Variants in USH2A observed in about 807,000 individuals in gnomAD.
The protein encoded by USH2A is Usher syndrome 2A (autosomal recessive, mild).
A neutral mutation model predicts 538.9 loss-of-function variants in USH2A; 443 were observed. The observed-to-expected ratio is 0.82, with a 90% CI of 0.76 to 0.89. The LOEUF is 0.89. USH2A is among the 40% of genes least tolerant of loss of function. The pLI is 0.00. For missense variants in USH2A, 6,633 were observed against 6,324.8 expected, an observed-to-expected ratio of 1.05 and a Z score of -1.65; for synonymous variants, 2,413 against 2,273.5, an observed-to-expected ratio of 1.06 and a Z score of -1.75.
At chr1:216,171,982 GC>G (rs1218351247) in intron 21 of USH2A, among the ~76,000 whole-genome samples, 1 of 151,952 alleles carries the variant, frequency 6.6e-6, no homozygotes, top group African/African-American at 2.4e-5. Flanking sequence ...AGAAAAGGAA[GC>G]AAAAATAGGT....
At chr1:215,978,363 TTA>T (rs1667671509) in intron 35 of USH2A, among the ~76,000 whole-genome samples, 1 of 152,144 alleles carries the variant, frequency 6.6e-6, no homozygotes, top group African/African-American at 2.4e-5. Flanking sequence ...ACTACTCTTG[TTA>T]TATGTTTCTG....
intron 3 of USH2A, among the ~76,000 whole-genome samples, chr1:216,418,129 G>A (rs946638390): frequency 6.6e-6 from 1 of 152,066 alleles, no homozygotes; most frequent in African/African-American, 2.4e-5. Context: ...AAAGACAGAT[G>A]TAAAAATCAA....
intron 4 of USH2A, among the ~76,000 whole-genome samples, chr1:216,339,753 TA>T (rs1558044933): frequency 6.6e-6 from 1 of 150,882 alleles, no homozygotes; most frequent in Non-Finnish European, 1.5e-5. Flanking sequence ...ATAATGAAAT[TA>T]AAGCAGACAT....
At chr1:216,214,855 C>T (rs529730627) in intron 15 of USH2A, among the ~76,000 whole-genome samples, 127 of 151,612 alleles carry the variant, frequency 8.4e-4, no homozygotes, top group African/African-American at 2.8e-3. Context: ...TAATTGTATA[C>T]GTGTGTGTGT....
chr1:215,820,584 T>A (rs1662985097), intron 47 of USH2A, among the ~76,000 whole-genome samples: 1 of 151,834 alleles, frequency 6.6e-6, no homozygotes, highest in African/African-American at 2.4e-5. Flanking sequence ...TTCTTTATGC[T>A]AACAACATTT....
At chr1:215,629,150 G>T in intron 70 of USH2A, 115 bp from the exon 71 acceptor site, 1 of 1,094,382 alleles carries the variant, frequency 9.1e-7, no homozygotes, top group Non-Finnish European at 1.4e-6. Flanking sequence ...CCTGACAATT[G>T]TCACATTGTC....
At chr1:216,128,430 T>A (rs2033301969) in intron 21 of USH2A, among the ~76,000 whole-genome samples, 1 of 152,098 alleles carries the variant, frequency 6.6e-6, no homozygotes, top group Admixed American at 6.6e-5. Flanking sequence ...AAAAAAGTAC[T>A]ATTTTGAGAT....
intron 32 of USH2A, 22 bp from the exon 33 acceptor site, chr1:216,000,584 G>T (rs1240881020): frequency 1.9e-6 from 3 of 1,612,700 alleles, no homozygotes; most frequent in Non-Finnish European, 2.5e-6. Context: ...GGAGAAACAA[G>T]AATTTACTCA....
chr1:216,309,253 A>G (rs2037376956), intron 9 of USH2A, among the ~76,000 whole-genome samples: 1 of 152,214 alleles, frequency 6.6e-6, no homozygotes, highest in South Asian at 2.1e-4. Flanking sequence ...TTTGATTTTT[A>G]ATTATACATT....
chr1:215,745,538 C>T (rs1049071842), intron 58 of USH2A, among the ~76,000 whole-genome samples: 9 of 152,118 alleles, frequency 5.9e-5, no homozygotes, highest in African/African-American at 2.2e-4. Flanking sequence ...GGTTCCACTG[C>T]CTAGACTTTA....
chr1:216,068,944 A>G (rs2031470312), intron 30 of USH2A, among the ~76,000 whole-genome samples: 1 of 152,164 alleles, frequency 6.6e-6, no homozygotes, highest in East Asian at 1.9e-4. Flanking sequence ...TGTCTAATAT[A>G]ATCTAAAATA....
chr1:215,681,577 C>T (rs1177174121), intron 61 of USH2A, among the ~76,000 whole-genome samples: 1 of 152,106 alleles, frequency 6.6e-6, no homozygotes, highest in African/African-American at 2.4e-5. Flanking sequence ...CACCCAAGAA[C>T]ATCAGAAAAA....
At position 215,813,908 on chromosome 1, in the gene USH2A, A is replaced by T; in HGVS notation, c.9571-4T>A. 1 of 1,613,454 alleles carries T rather than the reference A, an allele frequency of 6.2e-7. No homozygotes were observed. Among genetic ancestry groups the T allele is most frequent in the East Asian group, 2.2e-5 (1 of 44,840 alleles). On this transcript the variant is annotated splice_region_variant and splice_polypyrimidine_tract_variant and intron_variant, in intron 48 of 71. Coordinates refer to ENST00000307340, the MANE Select transcript of USH2A (RefSeq NM_206933.4). The stretch of plus-strand genomic sequence containing the variant: ...AGAGCACTCCGTTACAACAAACCTG[A>T]AAGTTTGAAAACAGTTTTAAAGAAA...
intron 48 of USH2A, among the ~76,000 whole-genome samples, chr1:215,816,363 C>G (rs1662857736): frequency 6.6e-6 from 1 of 152,022 alleles, no homozygotes; most frequent in Non-Finnish European, 1.5e-5. Context: ...ATCCATATTG[C>G]TTCAGTAACT....
chr1:216,266,689 A>G (rs1558352980), intron 11 of USH2A, among the ~76,000 whole-genome samples: 1 of 152,072 alleles, frequency 6.6e-6, no homozygotes, highest in Non-Finnish European at 1.5e-5. Flanking sequence ...CTTGAGCATA[A>G]ATATGTATGT....
intron 11 of USH2A, among the ~76,000 whole-genome samples, chr1:216,288,887 T>A (rs2036940762): frequency 6.6e-6 from 1 of 152,170 alleles, no homozygotes; most frequent in Non-Finnish European, 1.5e-5. Context: ...TAATTTCCAT[T>A]TGGCCCTAAG....
intron 29 of USH2A, 123 bp downstream of exon 29, chr1:216,072,766 C>T: frequency 1.1e-6 from 1 of 926,468 alleles, no homozygotes; most frequent in East Asian, 2.4e-5. Flanking sequence ...CAAACCAAGG[C>T]ATGCTCTGTC....
chr1:216,286,564 A>G (rs2036889460), intron 11 of USH2A, among the ~76,000 whole-genome samples: 1 of 152,018 alleles, frequency 6.6e-6, no homozygotes, highest in East Asian at 1.9e-4. Context: ...AATACAAAAA[A>G]AAGAAAAAAA....
At position 216,148,875 on chromosome 1, in the gene USH2A, A is replaced by C. The variant is rs1053377576; in HGVS notation, c.4627+26377T>G. On this transcript the variant is annotated intron_variant, in intron 21 of 71. Transcript: ENST00000307340. ...TTCACTTGGACTGACCCTGACACCC[A>C]TCAAGCTCAGCAAATTACCTAGGCT... Among the ~76,000 whole-genome samples the C allele has an allele frequency of 1.4e-3, 211 of 151,846 alleles. 1 individual carries two copies. Among genetic ancestry groups the C allele is most frequent in the Non-Finnish European group, 1.9e-3 (129 of 67,930 alleles).
Sources: gnomAD v4.1 joint callset for allele counts (sites outside exome capture counted in the v4.1 genomes callset) on GRCh38, gnomAD v4.1.1 for gene constraint, MANE v1.5 for transcripts, NCBI Gene and HGNC (gene_info 2026-07-23, HGNC 2026-07-21) for gene names.